ZIM2: variants seen among roughly 807,000 people sequenced by gnomAD.
The protein encoded by ZIM2 is zinc finger imprinted 2.
A neutral mutation model predicts 38.6 loss-of-function variants in ZIM2; 14 were observed. The ratio of observed to expected loss-of-function variants is 0.36; its 90% CI spans 0.24 to 0.57. ZIM2 has a LOEUF of 0.57. Among genes scored for constraint, ZIM2 ranks in the 20% least tolerant of loss-of-function variants. The pLI, the probability that ZIM2 is intolerant of heterozygous loss-of-function variation, is 0.81. For synonymous variants in ZIM2, 247 were observed against 245.8 expected (o/e 1.00, Z -0.04); for missense variants, 680 against 695.1 (o/e 0.98, Z 0.24).
chr19:56,778,104 C>T (rs2046117302), intron 12 of ZIM2, among the ~76,000 whole-genome samples: 1 of 152,196 alleles, frequency 6.6e-6, no homozygotes, highest in Non-Finnish European at 1.5e-5. Flanking sequence ...ATATCTCATT[C>T]TCTATCCACT....
At chr19:56,823,971 T>C (rs2060768267) in intron 4 of ZIM2, among the ~76,000 whole-genome samples, 2 of 152,078 alleles carry the variant, frequency 1.3e-5, no homozygotes, top group South Asian at 4.1e-4. Flanking sequence ...ATAGGAGGTT[T>C]TCTCCCTTCT....
At chr19:56,813,123 C>T (rs2146110123) in intron 9 of ZIM2, 1 of 982,328 alleles carries the variant, frequency 1.0e-6, no homozygotes, top group East Asian at 1.1e-4. Context: ...TGACAGGGTT[C>T]AAATAATGCA....
intron 9 of ZIM2, among the ~76,000 whole-genome samples, chr19:56,805,191 G>A (rs1457130451): frequency 6.6e-6 from 1 of 152,180 alleles, no homozygotes; most frequent in South Asian, 2.1e-4. Flanking sequence ...ATGAGATGCT[G>A]GTAGCATCAC....
intron 9 of ZIM2, among the ~76,000 whole-genome samples, chr19:56,794,014 A>G (rs955309381): frequency 1.3e-5 from 2 of 152,174 alleles, no homozygotes; most frequent in African/African-American, 4.8e-5. Flanking sequence ...CTGAAAACTG[A>G]GCTACACATT....
intron 2 of ZIM2, among the ~76,000 whole-genome samples, chr19:56,830,706 T>C (rs2061493324): frequency 6.6e-6 from 1 of 152,036 alleles, no homozygotes; most frequent in Non-Finnish European, 1.5e-5. Flanking sequence ...AACAAATAAA[T>C]AAATCTCCAT....
At chr19:56,794,931 CTTTAA>C (rs1383171399) in intron 9 of ZIM2, among the ~76,000 whole-genome samples, 1 of 152,184 alleles carries the variant, frequency 6.6e-6, no homozygotes, top group Non-Finnish European at 1.5e-5. Flanking sequence ...TCATTTTATT[CTTTAA>C]TTTTACATTT....
chr19:56,782,825 G>T (rs2046393136), intron 10 of ZIM2, among the ~76,000 whole-genome samples: 1 of 151,962 alleles, frequency 6.6e-6, no homozygotes, highest in African/African-American at 2.4e-5. Context: ...GGGGAATGGG[G>T]TATCCATCCC....
chr19:56,793,664 C>G (rs147517301), intron 9 of ZIM2, among the ~76,000 whole-genome samples: 92 of 152,292 alleles, frequency 6.0e-4, no homozygotes, highest in African/African-American at 2.2e-3. Context: ...AATAGGATAA[C>G]ACTATGCACC....
chr19:56,824,857 T>C (rs372252545), intron 3 of ZIM2: 14 of 556,842 alleles, frequency 2.5e-5, no homozygotes, highest in South Asian at 2.3e-4. Flanking sequence ...CCCCAGTAAA[T>C]AGGCAAACAA....
At chr19:56,836,742 G>A (rs1463437697) in intron 1 of ZIM2, among the ~76,000 whole-genome samples, 1 of 152,168 alleles carries the variant, frequency 6.6e-6, no homozygotes, top group Non-Finnish European at 1.5e-5. Flanking sequence ...GCCAAGGCGG[G>A]CAGATCACCT....
chr19:56,817,381 A>T, intron 9 of ZIM2: 1 of 1,613,984 alleles, frequency 6.2e-7, no homozygotes, highest in Non-Finnish European at 8.5e-7. Flanking sequence ...CCTCTTGTTC[A>T]ATGAAATGTC....
At chr19:56,810,189 T>G (rs1399902410) in intron 9 of ZIM2, 12 of 979,774 alleles carry the variant, frequency 1.2e-5, no homozygotes, top group Admixed American at 6.2e-5. Flanking sequence ...AGAAAATATA[T>G]CAAGATGTTA....
chr19:56,796,152 G>A (rs1410492696), intron 9 of ZIM2, among the ~76,000 whole-genome samples: 16 of 152,076 alleles, frequency 1.1e-4, no homozygotes, highest in Non-Finnish European at 1.5e-5. Context: ...AGTATTCCTG[G>A]GGGATTTGTT....
At chr19:56,797,022 G>C (rs76260111) in intron 9 of ZIM2, among the ~76,000 whole-genome samples, 2 of 150,434 alleles carry the variant, frequency 1.3e-5, no homozygotes, top group African/African-American at 4.9e-5. Flanking sequence ...GGCCAGGCAC[G>C]GTGGCTCAGC....
chr19:56,802,659 C>T (rs2047582930), intron 9 of ZIM2, among the ~76,000 whole-genome samples: 1 of 152,212 alleles, frequency 6.6e-6, no homozygotes, highest in Admixed American at 6.5e-5. Context: ...CTGCATTCCA[C>T]TGGCCACAGA....
chr19:56,802,063 G>T (rs1212544864), intron 9 of ZIM2, among the ~76,000 whole-genome samples: 1 of 152,164 alleles, frequency 6.6e-6, no homozygotes, highest in Non-Finnish European at 1.5e-5. Context: ...CACTGGAAAA[G>T]GGACTGTCTC....
At position 56,820,427 on chromosome 19, in the gene ZIM2, G is replaced by A. The variant is rs561078620; in HGVS notation, c.294+1224C>T. 2.0e-5 allele frequency among the ~76,000 whole-genome samples: 3 copies of A among 152,252 alleles called. No individual in the cohort carries two copies. In the South Asian group the frequency reaches 6.2e-4, roughly 32 times the overall value. On this transcript the variant is annotated intron_variant, in intron 7 of 12. Coordinates refer to ENST00000629319, the MANE Select transcript of ZIM2 (RefSeq NM_001387356.1). The stretch of plus-strand genomic sequence containing the variant: ...CAATTCTTCACACATTGTCAAGGAA[G>A]GGCATTTAAAAAGCAAAACAAGACA...
intron 9 of ZIM2, among the ~76,000 whole-genome samples, chr19:56,808,789 C>G (rs555202134): frequency 6.6e-6 from 1 of 152,288 alleles, no homozygotes; most frequent in South Asian, 2.1e-4. Context: ...TTCAGCCAGA[C>G]TCCACAAGGC....
rs1434036218 is a variant in ZIM2 at position 56,780,736 on chromosome 19, GA to G, written c.739+1216del. Reference sequence around the variant, plus strand: ...TGTCTGCTCTCACTTTACTAAAATGGAAGAATAACAAGATAGACATGCTAAC... The same window carrying G: ...TGTCTGCTCTCACTTTACTAAAATGGAGAATAACAAGATAGACATGCTAAC... On this transcript the variant is annotated intron_variant, in intron 11 of 12. Transcript: ENST00000629319. 2.6e-5 allele frequency among the ~76,000 whole-genome samples: 4 copies of G among 152,166 alleles called. No homozygotes were observed. In the East Asian group the frequency reaches 7.7e-4, roughly 29 times the overall value.
Sources: gnomAD v4.1 joint callset for allele counts (sites outside exome capture counted in the v4.1 genomes callset) on GRCh38, gnomAD v4.1.1 for gene constraint, MANE v1.5 for transcripts, NCBI Gene and HGNC (gene_info 2026-07-23, HGNC 2026-07-21) for gene names.